GRIK3: variants seen among roughly 807,000 people sequenced by gnomAD.
GRIK3 encodes the protein glutamate ionotropic receptor kainate type subunit 3.
GRIK3 carries 29 observed loss-of-function variants against 102.5 expected under a neutral mutation model. The ratio of observed to expected loss-of-function variants is 0.28; its 90% CI spans 0.21 to 0.39. The LOEUF (loss-of-function observed/expected upper bound fraction) is 0.39. Ranked by LOEUF, GRIK3 falls within the 10% of genes least tolerant of loss-of-function variation. GRIK3 has a pLI of 1.00. For synonymous variants in GRIK3, 511 were observed against 504.9 expected (o/e 1.01, Z -0.16); for missense variants, 908 against 1,252.4 (o/e 0.73, Z 4.15).
At chr1:36,937,368 CTTG>C (rs1458415964) in intron 1 of GRIK3, among the ~76,000 whole-genome samples, 3 of 152,178 alleles carry the variant, frequency 2.0e-5, no homozygotes, top group African/African-American at 4.8e-5. Context: ...AAGGCAATCT[CTTG>C]TTGTACTCTG....
chr1:36,898,052 C>T (rs892375543), intron 1 of GRIK3, among the ~76,000 whole-genome samples: 1 of 151,684 alleles, frequency 6.6e-6, no homozygotes, highest in African/African-American at 2.4e-5. Flanking sequence ...GAAAGATAAA[C>T]ATCACACACT....
intron 1 of GRIK3, among the ~76,000 whole-genome samples, chr1:36,977,505 C>G (rs549366822): frequency 3.6e-4 from 55 of 152,352 alleles, no homozygotes; most frequent in African/African-American, 1.2e-3. Context: ...AATTAACAGG[C>G]TCTGTCTTCC....
rs761088719 is a variant in GRIK3 at position 36,817,053 on chromosome 1, G to T, written c.2091+7C>A. ...ACGGTGCTGCAATAGGAGGGAGAGG[G>T]CCTCACCTTGAAGAAGGTCATGGTG... On this transcript the variant is annotated splice_region_variant and intron_variant, in intron 13 of 15. Coordinates refer to ENST00000373091, the MANE Select transcript of GRIK3 (RefSeq NM_000831.4). 1.9e-6 allele frequency: 3 copies of T among 1,597,804 alleles called. No individual in the cohort carries two copies. Among genetic ancestry groups the T allele is most frequent in the Non-Finnish European group, 2.6e-6 (3 of 1,165,244 alleles).
At chr1:36,849,905 C>T (rs1204022237) in intron 9 of GRIK3, 2 of 189,752 alleles carry the variant, frequency 1.1e-5, no homozygotes, top group African/African-American at 4.7e-5. Flanking sequence ...CTCCCAGCAC[C>T]TGCTGGGCTC....
In GRIK3 at chr1:36,872,293, G is replaced by A. The variant is rs544169323; in HGVS notation, c.627C>T (p.Ile209=). ...GCAAGGGGCGCGAGTCGTCAGAGTCGATGGGGAGCTGACGGATCTTCAGGC... is the reference window on the plus strand; with the variant it reads ...GCAAGGGGCGCGAGTCGTCAGAGTCAATGGGGAGCTGACGGATCTTCAGGC... The part of the protein sequence containing the change: ...NIRLKIRQLP[I]DSDDSRPLLK... Residue 209 remains isoleucine, a synonymous_variant, in exon 4 of 16, where the codon ATC becomes ATT. Transcript: ENST00000373091. This position sits in a 1 kb window ranked among gnomAD's most constrained non-coding sequence, Gnocchi z 5.9. The A allele has an allele frequency of 1.8e-5, 29 of 1,612,958 alleles. No individual in the cohort carries two copies. The South Asian group carries it at 3.0e-4, about 17-fold the overall frequency.
intron 1 of GRIK3, among the ~76,000 whole-genome samples, chr1:36,927,193 A>T (rs1289680204): frequency 6.6e-6 from 1 of 152,238 alleles, no homozygotes; most frequent in Non-Finnish European, 1.5e-5. Context: ...TCTAACAGTC[A>T]TGCAGCCCAG....
intron 1 of GRIK3, among the ~76,000 whole-genome samples, chr1:36,962,418 AG>A (rs1053419051): frequency 4.6e-5 from 7 of 151,916 alleles, no homozygotes; most frequent in Non-Finnish European, 8.8e-5. Context: ...TGCATGCCCC[AG>A]GGGTTAATCT....
At chr1:36,928,922 C>T (rs574338929) in intron 1 of GRIK3, among the ~76,000 whole-genome samples, 1 of 152,266 alleles carries the variant, frequency 6.6e-6, no homozygotes, top group East Asian at 1.9e-4. Flanking sequence ...GAGATAGCAC[C>T]TGTGCTGAAC....
intron 1 of GRIK3, among the ~76,000 whole-genome samples, chr1:36,906,696 T>C (rs1481589044): frequency 6.6e-6 from 1 of 152,214 alleles, no homozygotes; most frequent in East Asian, 1.9e-4. Flanking sequence ...TGTAGCACGC[T>C]GGCAGCCGCA....
At chr1:36,928,916 T>C (rs984532793) in intron 1 of GRIK3, among the ~76,000 whole-genome samples, 11 of 152,200 alleles carry the variant, frequency 7.2e-5, no homozygotes, top group African/African-American at 2.2e-4. Context: ...CTGGAGGAGA[T>C]AGCACCTGTG....
intron 1 of GRIK3, among the ~76,000 whole-genome samples, chr1:36,898,055 C>T (rs1334421889): frequency 1.3e-5 from 2 of 151,706 alleles, no homozygotes; most frequent in Non-Finnish European, 2.9e-5. Flanking sequence ...AGATAAACAT[C>T]ACACACTCTC....
chr1:36,799,539 C>T lies in GRIK3; in HGVS notation c.*2312G>A, dbSNP rs1244480468. The T allele has an allele frequency of 6.6e-6, 1 of 152,256 alleles. No homozygotes were observed. The highest frequency in any genetic ancestry group is 1.9e-4 in the East Asian group (1 of 5,182). The allele number at this position is 152,256 out of a possible 1,614,324, so 9.4% of individuals were successfully genotyped here. Reference sequence around the variant, plus strand: ...TGGACCCCTTGGTGACATGGCTTCTCCTTTTACGCATATTTGGCTAGCTGC... The same window carrying T: ...TGGACCCCTTGGTGACATGGCTTCTTCTTTTACGCATATTTGGCTAGCTGC... On this transcript the variant is annotated 3_prime_UTR_variant, in exon 16 of 16. Transcript: ENST00000373091.
At chr1:36,844,632 T>C (rs1413742408) in intron 9 of GRIK3, among the ~76,000 whole-genome samples, 1 of 152,192 alleles carries the variant, frequency 6.6e-6, no homozygotes, top group Non-Finnish European at 1.5e-5. Context: ...TACCTCCTTC[T>C]GTAAAATGGG....
chr1:36,810,148 G>A (rs903430628), intron 13 of GRIK3, among the ~76,000 whole-genome samples: 1 of 152,098 alleles, frequency 6.6e-6, no homozygotes, highest in African/African-American at 2.4e-5. Context: ...GCTTGTCTAA[G>A]CAGGGATAGA....
At chr1:36,811,467 G>A (rs1347799345) in intron 13 of GRIK3, among the ~76,000 whole-genome samples, 2 of 152,238 alleles carry the variant, frequency 1.3e-5, no homozygotes, top group Middle Eastern at 3.4e-3. Flanking sequence ...TCCAAATCAC[G>A]TCTATGGGCT....
chr1:36,857,743 C>T (rs2124236908), intron 7 of GRIK3, among the ~76,000 whole-genome samples: 1 of 152,336 alleles, frequency 6.6e-6, no homozygotes, highest in Middle Eastern at 3.4e-3. Flanking sequence ...CGATGGTGAA[C>T]TTGGGACCTC....
chr1:36,971,405 GC>G (rs1408155282), intron 1 of GRIK3, among the ~76,000 whole-genome samples: 1 of 152,164 alleles, frequency 6.6e-6, no homozygotes, highest in Non-Finnish European at 1.5e-5. Flanking sequence ...GGATGGCATG[GC>G]TTGATTACCC....
At chr1:36,878,325 C>T (rs1035239127) in intron 3 of GRIK3, among the ~76,000 whole-genome samples, 4 of 152,236 alleles carry the variant, frequency 2.6e-5, no homozygotes, top group African/African-American at 9.6e-5. Context: ...ATAAGCCAGG[C>T]TGGGGATCCC....
At chr1:37,013,796 C>A (rs1642623755) in intron 1 of GRIK3, among the ~76,000 whole-genome samples, 1 of 152,192 alleles carries the variant, frequency 6.6e-6, no homozygotes, top group African/African-American at 2.4e-5. Flanking sequence ...CCAAATATAT[C>A]AAGGGTCTAC....
Sources: gnomAD v4.1 joint callset for allele counts (sites outside exome capture counted in the v4.1 genomes callset) on GRCh38, gnomAD v4.1.1 for gene constraint, Gnocchi (gnomAD v3.1) non-coding constraint, MANE v1.5 for transcripts, NCBI Gene and HGNC (gene_info 2026-07-23, HGNC 2026-07-21) for gene names.